DPP10: variants seen among roughly 807,000 people sequenced by gnomAD.
DPP10 encodes inactive dipeptidyl peptidase 10.
DPP10 carries 33 observed loss-of-function variants against 120.9 expected under a neutral mutation model. The ratio of observed to expected loss-of-function variants is 0.27; its 90% CI spans 0.21 to 0.37. The LOEUF (loss-of-function observed/expected upper bound fraction) is 0.37, where lower values mean the gene tolerates loss of function less well. DPP10 is among the 10% of genes least tolerant of loss of function. The probability of loss-of-function intolerance (pLI) is 1.00; values close to 1 mark genes in which losing one functional copy is unlikely to be tolerated. For synonymous variants in DPP10, 337 were observed against 326.1 expected (o/e 1.03, Z -0.36); for missense variants, 816 against 942.8 (o/e 0.87, Z 1.76).
chr2:114,633,252 T>C (rs1261567365), intron 1 of DPP10, among the ~76,000 whole-genome samples: 56 of 118,058 alleles, frequency 4.7e-4, no homozygotes, highest in Admixed American at 2.0e-3. Context: ...TTCTTTCTTT[T>C]TTTTTTTTTT....
intron 5 of DPP10, among the ~76,000 whole-genome samples, chr2:115,577,589 G>A (rs1000788758): frequency 6.6e-6 from 1 of 152,066 alleles, no homozygotes; most frequent in Non-Finnish European, 1.5e-5. Context: ...AAGTACTGTC[G>A]ATTGGGTGGC....
chr2:115,505,660 T>C (rs2076902742), intron 4 of DPP10, among the ~76,000 whole-genome samples: 1 of 152,148 alleles, frequency 6.6e-6, no homozygotes. Context: ...GCTGAATAAT[T>C]TTATATATTG....
intron 3 of DPP10, among the ~76,000 whole-genome samples, chr2:115,352,585 T>G (rs142091525): frequency 3.7e-4 from 57 of 152,290 alleles, no homozygotes; most frequent in African/African-American, 1.3e-3. Context: ...TTGAAAAGAT[T>G]GAAGCACAGC....
chr2:114,967,687 G>T (rs1405400846), intron 1 of DPP10, among the ~76,000 whole-genome samples: 1 of 152,198 alleles, frequency 6.6e-6, no homozygotes. Flanking sequence ...TGTTTTCAAA[G>T]CTGCTTATTG....
chr2:114,525,819 A>T (rs1685451129), intron 1 of DPP10, among the ~76,000 whole-genome samples: 1 of 152,198 alleles, frequency 6.6e-6, no homozygotes, highest in Admixed American at 6.5e-5. Context: ...CAAATCTGAG[A>T]AAAAGGCAAA....
intron 1 of DPP10, among the ~76,000 whole-genome samples, chr2:114,746,697 A>T (rs1319081997): frequency 1.3e-5 from 2 of 152,110 alleles, no homozygotes; most frequent in African/African-American, 4.8e-5. Flanking sequence ...TGATGAGCAA[A>T]CCCCAAAGGA....
intron 1 of DPP10, among the ~76,000 whole-genome samples, chr2:114,590,312 G>C (rs1691355617): frequency 6.6e-6 from 1 of 152,116 alleles, no homozygotes; most frequent in Non-Finnish European, 1.5e-5. Flanking sequence ...TTATGTTTTT[G>C]TGTATGTTAA....
chr2:115,508,364 C>T (rs1423983077), intron 4 of DPP10, among the ~76,000 whole-genome samples: 1 of 151,596 alleles, frequency 6.6e-6, no homozygotes, highest in Non-Finnish European at 1.5e-5. Context: ...TAGGAGAGCT[C>T]CTGCCATAAG....
chr2:115,077,603 C>T (rs1360490681), intron 1 of DPP10, among the ~76,000 whole-genome samples: 1 of 152,148 alleles, frequency 6.6e-6, no homozygotes. Context: ...AATTATGAAT[C>T]CTAAAGAGGT....
intron 1 of DPP10, among the ~76,000 whole-genome samples, chr2:114,952,728 C>A (rs183235225): frequency 6.6e-6 from 1 of 152,252 alleles, no homozygotes; most frequent in East Asian, 1.9e-4. Flanking sequence ...GGAAAAAATA[C>A]ACACAAGATA....
rs116017595 is a variant in DPP10, at chr2:114,701,293, A to C, written c.60+258455A>C. The stretch of plus-strand genomic sequence containing the variant: ...ACAAAAATCTCAGGAGATGGGTTCC[A>C]TTATTATTGGTCCCATTTTATAGAT... On this transcript the variant is annotated intron_variant, in intron 1 of 25. Coordinates refer to ENST00000410059, the MANE Select transcript of DPP10 (RefSeq NM_020868.6). Among the ~76,000 whole-genome samples, 1,199 of 152,084 alleles carry C rather than the reference A, an allele frequency of 7.9e-3. 15 individuals carry two copies. The highest frequency in any genetic ancestry group is 0.027 in the African/African-American group (1,128 of 41,480).
intron 1 of DPP10, chr2:114,462,198 G>C: frequency 2.0e-6 from 2 of 975,722 alleles, no homozygotes; most frequent in Non-Finnish European, 2.4e-6. Flanking sequence ...GATATTTACC[G>C]ACAAGTTGCG....
chr2:115,353,849 G>T (rs1340082538), intron 3 of DPP10, among the ~76,000 whole-genome samples: 1 of 152,076 alleles, frequency 6.6e-6, no homozygotes, highest in Non-Finnish European at 1.5e-5. Flanking sequence ...CTAGAGTAGA[G>T]AAAACGTTTC....
At chr2:114,876,891 A>G (rs767747766) in intron 1 of DPP10, among the ~76,000 whole-genome samples, 2 of 152,086 alleles carry the variant, frequency 1.3e-5, no homozygotes, top group Non-Finnish European at 2.9e-5. Context: ...GAAAAATATG[A>G]CCCTAAAGGT....
At chr2:115,412,454 G>A (rs1008300591) in intron 3 of DPP10, among the ~76,000 whole-genome samples, 2 of 152,136 alleles carry the variant, frequency 1.3e-5, no homozygotes, top group Non-Finnish European at 2.9e-5. Flanking sequence ...AGAACAAAAA[G>A]AAACACTCTG....
At chr2:115,756,078 T>A (rs1679367198) in intron 11 of DPP10, among the ~76,000 whole-genome samples, 4 of 151,778 alleles carry the variant, frequency 2.6e-5, no homozygotes, top group Admixed American at 2.0e-4. Flanking sequence ...GATAAGCGAG[T>A]CAACACAAAG....
rs548252689 is a variant in DPP10 at position 114,669,309 on chromosome 2, G to A, written c.60+226471G>A. ...ATAAATGCATATGCAAAAAGCATTT[G>A]TGTAATTTTGAAAAGCTAATAATAT... On this transcript the variant is annotated intron_variant, in intron 1 of 25. Coordinates refer to ENST00000410059, the MANE Select transcript of DPP10 (RefSeq NM_020868.6). Among the ~76,000 whole-genome samples, 8 of 152,242 alleles carry A rather than the reference G, an allele frequency of 5.3e-5. No homozygotes were observed. In the East Asian group the frequency reaches 1.3e-3, roughly 26 times the overall value.
chr2:115,286,531 A>ATATATATATATATATG (rs2060406226), intron 1 of DPP10, among the ~76,000 whole-genome samples: 1 of 115,258 alleles, frequency 8.7e-6, no homozygotes, highest in South Asian at 2.6e-4. Flanking sequence ...TATATAATAT[A>ATATATATATATATATG]TATATATATA....
intron 1 of DPP10, among the ~76,000 whole-genome samples, chr2:115,159,871 AAAGG>A (rs2052179522): frequency 6.6e-6 from 1 of 152,194 alleles, no homozygotes; most frequent in Non-Finnish European, 1.5e-5. Flanking sequence ...ATCTTATATA[AAAGG>A]ATATCTCCCT....
Sources: allele counts gnomAD v4.1 joint callset (sites outside exome capture counted in the v4.1 genomes callset), GRCh38; gene constraint gnomAD v4.1.1; transcripts MANE v1.5; gene names NCBI Gene and HGNC (gene_info 2026-07-23, HGNC 2026-07-21).